Variants in STARD13 observed in about 807,000 individuals in gnomAD.
STARD13 encodes stAR-related lipid transfer protein 13.
Under a neutral mutation model 106.4 loss-of-function variants are expected in STARD13, and 62 were observed. That is an observed-to-expected ratio of 0.58 (90% CI 0.48 to 0.72). The LOEUF (loss-of-function observed/expected upper bound fraction) is 0.72. STARD13 is among the 30% of genes least tolerant of loss of function. The pLI, the probability that STARD13 is intolerant of heterozygous loss-of-function variation, is 0.00. For synonymous variants in STARD13, 565 were observed against 553.0 expected (o/e 1.02, Z -0.31); for missense variants, 1,387 against 1,424.0 (o/e 0.97, Z 0.42).
At chr13:33,471,715 A>C in the STARD13 span, among the ~76,000 whole-genome samples, 1 of 151,548 alleles carries the variant, frequency 6.6e-6, no homozygotes, top group African/African-American at 2.4e-5. Context: ...GCAGACAAAC[A>C]TATTTTTATT....
the STARD13 span, among the ~76,000 whole-genome samples, chr13:33,357,278 G>C: frequency 6.6e-6 from 1 of 152,152 alleles, no homozygotes; most frequent in East Asian, 1.9e-4. Context: ...ACCTTCCATG[G>C]GGTAACCCTC....
intron 3 of STARD13, among the ~76,000 whole-genome samples, chr13:33,162,865 C>A (rs1882796559): frequency 6.6e-6 from 1 of 152,126 alleles, no homozygotes; most frequent in African/African-American, 2.4e-5. Context: ...TGCCTGATAC[C>A]CAGTTCCAAA....
At chr13:33,643,946 A>T in the STARD13 span, among the ~76,000 whole-genome samples, 3 of 152,348 alleles carry the variant, frequency 2.0e-5, no homozygotes, top group African/African-American at 7.2e-5. Context: ...GGCTGCAGGT[A>T]GGAGATATCT....
At chr13:33,488,143 T>C in the STARD13 span, among the ~76,000 whole-genome samples, 2 of 152,158 alleles carry the variant, frequency 1.3e-5, no homozygotes, top group Admixed American at 6.5e-5. Context: ...TCCCTAAGGT[T>C]CTGTCCTTAA....
the STARD13 span, among the ~76,000 whole-genome samples, chr13:33,496,597 C>T: frequency 5.3e-5 from 8 of 152,102 alleles, no homozygotes; most frequent in Non-Finnish European, 1.5e-5. Flanking sequence ...TCATCTGAAT[C>T]ACCTGTATGC....
At chr13:33,344,158 G>C (rs2077993967), downstream of STARD13, among the ~76,000 whole-genome samples, 1 of 152,044 alleles carries the variant, frequency 6.6e-6, no homozygotes, top group African/African-American at 2.4e-5. Flanking sequence ...CATCTGAATT[G>C]AATCAGAATC....
At chr13:33,330,225 T>C (rs1196103471) in intron 1 of STARD13, among the ~76,000 whole-genome samples, 5 of 152,248 alleles carry the variant, frequency 3.3e-5, no homozygotes, top group African/African-American at 9.6e-5. Flanking sequence ...GAACAAGGGT[T>C]CTACTTTCTC....
chr13:33,676,527 G>C, the STARD13 span, among the ~76,000 whole-genome samples: 1 of 152,148 alleles, frequency 6.6e-6, no homozygotes, highest in Non-Finnish European at 1.5e-5. Flanking sequence ...AGAGCTGTGC[G>C]TGCACGTTTG....
At chr13:33,190,588 C>CTTTTT (rs71196510) in intron 1 of STARD13, among the ~76,000 whole-genome samples, 40 of 131,192 alleles carry the variant, frequency 3.0e-4, no homozygotes, top group Non-Finnish European at 3.5e-4. Context: ...CTTTTCTTTT[C>CTTTTT]TTTTTTTTTT....
chr13:33,589,409 C>CT, the STARD13 span, among the ~76,000 whole-genome samples: 2 of 152,176 alleles, frequency 1.3e-5, no homozygotes, highest in African/African-American at 4.8e-5. Flanking sequence ...AATTTTAGAT[C>CT]TTTTCTGCTT....
intron 1 of STARD13, among the ~76,000 whole-genome samples, chr13:33,249,500 T>C (rs1889989792): frequency 6.6e-6 from 1 of 152,228 alleles, no homozygotes; most frequent in African/African-American, 2.4e-5. Flanking sequence ...TTCTCAAGGT[T>C]TCCTTAGCCA....
chr13:33,436,898 C>T, the STARD13 span, among the ~76,000 whole-genome samples: 2 of 152,112 alleles, frequency 1.3e-5, no homozygotes, highest in Non-Finnish European at 2.9e-5. Context: ...AAAAAAATCA[C>T]CTCACAAGGG....
intron 4 of STARD13, among the ~76,000 whole-genome samples, chr13:33,139,088 A>G (rs1879467261): frequency 6.6e-6 from 1 of 152,242 alleles, no homozygotes; most frequent in Non-Finnish European, 1.5e-5. Flanking sequence ...CAATAAATAA[A>G]TTGTGGACTT....
At chr13:33,376,870 G>T in the STARD13 span, among the ~76,000 whole-genome samples, 1 of 152,170 alleles carries the variant, frequency 6.6e-6, no homozygotes, top group Non-Finnish European at 1.5e-5. Flanking sequence ...AAGGAAGCAG[G>T]GAGGTCAAGG....
At chr13:33,106,734 G>T in intron 13 of STARD13, 24 bp downstream of exon 13, 1 of 1,576,814 alleles carries the variant, frequency 6.3e-7, no homozygotes, top group Non-Finnish European at 8.6e-7. Context: ...ATCTGAGCCT[G>T]CCATTAAGGG....
the STARD13 span, among the ~76,000 whole-genome samples, chr13:33,456,544 G>A: frequency 1.3e-5 from 2 of 152,152 alleles, no homozygotes; most frequent in Non-Finnish European, 2.9e-5. Flanking sequence ...TATCAGCAGT[G>A]TTGTTTTCTC....
the STARD13 span, among the ~76,000 whole-genome samples, chr13:33,672,464 T>C: frequency 1.3e-3 from 191 of 152,288 alleles, no homozygotes; most frequent in Middle Eastern, 0.014. Context: ...CAAACCACCA[T>C]GGCACATGTA....
intron 4 of STARD13, among the ~76,000 whole-genome samples, chr13:33,133,357 T>C (rs972405546): frequency 2.0e-5 from 3 of 152,024 alleles, no homozygotes; most frequent in South Asian, 2.1e-4. Flanking sequence ...AGTGGCAAAC[T>C]CCTGGGAAAA....
At chr13:33,664,355 G>GAT in the STARD13 span, among the ~76,000 whole-genome samples, 1 of 152,198 alleles carries the variant, frequency 6.6e-6, no homozygotes, top group African/African-American at 2.4e-5. Context: ...GTCACAGCTT[G>GAT]ACAGAATACA....
Sources: gnomAD v4.1 joint callset for allele counts (sites outside exome capture counted in the v4.1 genomes callset) on GRCh38, gnomAD v4.1.1 for gene constraint, MANE v1.5 for transcripts, NCBI Gene and HGNC (gene_info 2026-07-23, HGNC 2026-07-21) for gene names.